The following CFAP299 variants were observed in gnomAD, a reference collection of about 807,000 sequenced individuals.
CFAP299 encodes the protein cilia- and flagella-associated protein 299.
In CFAP299, 21 loss-of-function variants were observed where a neutral mutation model predicts 27.0. That is an observed-to-expected ratio of 0.78 (90% CI 0.55 to 1.12). The LOEUF (loss-of-function observed/expected upper bound fraction) is 1.12. Ranked by LOEUF, CFAP299 falls within the 50% of genes most tolerant of loss-of-function variation. The probability of loss-of-function intolerance (pLI) is 0.00; values close to 1 mark genes in which losing one functional copy is unlikely to be tolerated. For synonymous variants in CFAP299, 104 were observed against 98.1 expected, an observed-to-expected ratio of 1.06 and a Z score of -0.36; for missense variants, 310 against 276.6, an observed-to-expected ratio of 1.12 and a Z score of -0.86.
intron 3 of CFAP299, among the ~76,000 whole-genome samples, chr4:80,801,158 ACACT>A (rs1728570349): frequency 6.6e-6 from 1 of 150,844 alleles, no homozygotes; most frequent in African/African-American, 2.4e-5. Context: ...AATCAAGTTG[ACACT>A]CAGTACTGAC....
rs538516810 is a variant in CFAP299 at position 80,859,586 on chromosome 4, A to G, written c.334-10407A>G. Among the ~76,000 whole-genome samples, 202 of 143,122 alleles carry G rather than the reference A, an allele frequency of 1.4e-3. 1 individual carries two copies. Among genetic ancestry groups the G allele is most frequent in the Non-Finnish European group, 1.3e-3 (83 of 64,612 alleles). The allele number at this position is 143,122 out of a possible 152,430, so 93.9% of individuals were successfully genotyped here. On this transcript the variant is annotated intron_variant, in intron 3 of 5. Coordinates refer to ENST00000358105, the MANE Select transcript of CFAP299 (RefSeq NM_152770.3). ...TCCATGTTTAGCACTTCCTTCAGGA[A>G]CTCTTTTAGGGCAGGCCTGGTGGTG...
chr4:80,570,172 C>G (rs980136008), intron 2 of CFAP299, among the ~76,000 whole-genome samples: 6 of 151,912 alleles, frequency 3.9e-5, no homozygotes, highest in African/African-American at 1.4e-4. Flanking sequence ...ATTGAAGGTT[C>G]TTTTCATTAA....
chr4:80,640,884 A>T (rs1739690827), intron 3 of CFAP299, among the ~76,000 whole-genome samples: 1 of 152,216 alleles, frequency 6.6e-6, no homozygotes, highest in African/African-American at 2.4e-5. Flanking sequence ...CTCTACAAAA[A>T]TCCAGATGAA....
the CFAP299 span, among the ~76,000 whole-genome samples, chr4:80,329,208 C>CACACACACATATAT: frequency 7.4e-6 from 1 of 136,042 alleles, no homozygotes; most frequent in South Asian, 2.4e-4. Flanking sequence ...ACACTGTATA[C>CACACACACATATAT]ATATATATAT....
chr4:80,903,322 G>A (rs1206060882), intron 4 of CFAP299, among the ~76,000 whole-genome samples: 2 of 151,978 alleles, frequency 1.3e-5, no homozygotes, highest in African/African-American at 4.8e-5. Context: ...ATAAATTGGG[G>A]AAGGATAAAG....
intron 2 of CFAP299, among the ~76,000 whole-genome samples, chr4:80,487,960 G>A (rs1406110105): frequency 6.6e-6 from 1 of 152,008 alleles, no homozygotes; most frequent in African/African-American, 2.4e-5. Flanking sequence ...AGAAACTGGT[G>A]GTATAGCATA....
chr4:80,576,440 C>G, intron 2 of CFAP299, among the ~76,000 whole-genome samples: 1 of 151,922 alleles, frequency 6.6e-6, no homozygotes, highest in South Asian at 2.1e-4. Context: ...ATATTTAACT[C>G]TCAAATGAGT....
chr4:80,561,578 C>A (rs1735035984), intron 2 of CFAP299, among the ~76,000 whole-genome samples: 1 of 151,956 alleles, frequency 6.6e-6, no homozygotes, highest in Admixed American at 6.6e-5. Flanking sequence ...AGAAGGAAAT[C>A]AGGCTTCTAT....
At chr4:80,686,914 A>G (rs1271300950) in intron 3 of CFAP299, among the ~76,000 whole-genome samples, 2 of 152,184 alleles carry the variant, frequency 1.3e-5, no homozygotes, top group Admixed American at 6.5e-5. Context: ...CTGTTCCTAC[A>G]TTCCTATAGC....
chr4:80,629,319 CA>C (rs1178067538), intron 3 of CFAP299, among the ~76,000 whole-genome samples: 1 of 151,850 alleles, frequency 6.6e-6, no homozygotes, highest in East Asian at 1.9e-4. Flanking sequence ...ATTTGAGAGT[CA>C]GGGGGGAGAG....
chr4:80,711,075 T>C (rs1274191322), intron 3 of CFAP299, among the ~76,000 whole-genome samples: 1 of 152,134 alleles, frequency 6.6e-6, no homozygotes, highest in African/African-American at 2.4e-5. Context: ...AAAGGTATAA[T>C]TGCCCTGCTG....
intron 2 of CFAP299, chr4:80,386,903 C>T: frequency 1.2e-6 from 1 of 842,246 alleles, no homozygotes. Flanking sequence ...ATTTGTAGGG[C>T]TTCTCGCCTG....
intron 2 of CFAP299, among the ~76,000 whole-genome samples, chr4:80,434,449 T>A (rs1326983426): frequency 6.6e-6 from 1 of 152,178 alleles, no homozygotes; most frequent in Non-Finnish European, 1.5e-5. Flanking sequence ...TGCCCTTTCC[T>A]CATCCTGCTG....
chr4:80,579,174 C>T (rs748612859), intron 2 of CFAP299, among the ~76,000 whole-genome samples: 7 of 152,154 alleles, frequency 4.6e-5, no homozygotes, highest in Non-Finnish European at 1.0e-4. Context: ...CTTTGTTTCT[C>T]CATAATAGTG....
intron 3 of CFAP299, among the ~76,000 whole-genome samples, chr4:80,623,048 A>G (rs946969712): frequency 6.6e-6 from 1 of 152,106 alleles, no homozygotes; most frequent in African/African-American, 2.4e-5. Context: ...TAAGTTGCCC[A>G]CTGGGTTAGT....
intron 4 of CFAP299, among the ~76,000 whole-genome samples, chr4:80,916,642 G>A (rs578184426): frequency 1.9e-3 from 293 of 151,810 alleles, no homozygotes; most frequent in African/African-American, 6.8e-3. Flanking sequence ...TCTTCCTTTG[G>A]TGCTTCAAAT....
At chr4:80,655,518 T>G (rs2109974889) in intron 3 of CFAP299, among the ~76,000 whole-genome samples, 1 of 152,274 alleles carries the variant, frequency 6.6e-6, no homozygotes, top group Middle Eastern at 3.4e-3. Context: ...CCACAAATGC[T>G]TTGCATGTGT....
intron 3 of CFAP299, among the ~76,000 whole-genome samples, chr4:80,628,410 C>A (rs58711748): frequency 0.045 from 6,896 of 152,082 alleles, 547 homozygotes; most frequent in African/African-American, 0.16. Context: ...AAAACTATGA[C>A]ATTTATCTGG....
intron 2 of CFAP299, among the ~76,000 whole-genome samples, chr4:80,439,646 A>G (rs1403718547): frequency 6.6e-6 from 1 of 152,222 alleles, no homozygotes. Context: ...AGCTAGCTGC[A>G]GGAGTTTTTT....
Sources: gnomAD v4.1 joint callset for allele counts (sites outside exome capture counted in the v4.1 genomes callset) on GRCh38, gnomAD v4.1.1 for gene constraint, MANE v1.5 for transcripts, NCBI Gene and HGNC (gene_info 2026-07-23, HGNC 2026-07-21) for gene names.